PTGIS: variants seen among roughly 807,000 people sequenced by gnomAD.
PTGIS encodes the protein prostacyclin synthase.
Under a neutral mutation model 50.3 loss-of-function variants are expected in PTGIS, and 45 were observed. The ratio of observed to expected loss-of-function variants is 0.90; its 90% confidence interval spans 0.70 to 1.15. The LOEUF is 1.15. Ranked by LOEUF, PTGIS falls within the 50% of genes most tolerant of loss-of-function variation. The probability of loss-of-function intolerance (pLI) is 0.00; values close to 1 mark genes in which losing one functional copy is unlikely to be tolerated. For missense variants in PTGIS, 668 were observed against 661.3 expected (o/e 1.01, Z -0.11); for synonymous variants, 260 against 267.7 (o/e 0.97, Z 0.28).
intron 1 of PTGIS, among the ~76,000 whole-genome samples, chr20:49,560,487 G>A (rs1051069089): frequency 6.6e-6 from 1 of 152,186 alleles, no homozygotes; most frequent in African/African-American, 2.4e-5. Flanking sequence ...ACAGGCATGA[G>A]CCACTATGCC....
intron 1 of PTGIS, among the ~76,000 whole-genome samples, chr20:49,556,937 A>G (rs1042233396): frequency 6.6e-6 from 1 of 152,118 alleles, no homozygotes; most frequent in Non-Finnish European, 1.5e-5. Flanking sequence ...CTTTTCTTAA[A>G]GCCCTATAAA....
At chr20:49,564,620 C>T (rs1029098466) in intron 1 of PTGIS, among the ~76,000 whole-genome samples, 1 of 152,066 alleles carries the variant, frequency 6.6e-6, no homozygotes, top group African/African-American at 2.4e-5. Context: ...GGCTTCTTAC[C>T]GTATTCTTTT....
intron 3 of PTGIS, among the ~76,000 whole-genome samples, chr20:49,547,174 G>C (rs1420404215): frequency 2.0e-5 from 3 of 152,222 alleles, no homozygotes; most frequent in Non-Finnish European, 4.4e-5. Flanking sequence ...GGAGGTTACA[G>C]TGAGCCAAGA....
At position 49,514,147 on chromosome 20, in the gene PTGIS, G is replaced by A. The variant is rs1318566335; in HGVS notation, c.1024+80C>T. On this transcript the variant is annotated intron_variant, in intron 7 of 9. Coordinates refer to ENST00000244043, the MANE Select transcript of PTGIS (RefSeq NM_000961.4). ...ACACACTGATGGACCCTGGAAGACA[G>A]GAGTCCATGTTGGGGAGGGCTTTGG... 2.0e-6 allele frequency: 3 copies of A among 1,532,222 alleles called. No homozygotes were observed. In the African/African-American group the frequency reaches 4.1e-5, roughly 21 times the overall value. The allele number at this position is 1,532,222 out of a possible 1,614,324, so 94.9% of individuals were successfully genotyped here. A position where few individuals can be genotyped will look rare whatever the true frequency, so the allele number is the denominator to read the frequency against.
intron 2 of PTGIS, among the ~76,000 whole-genome samples, chr20:49,549,389 AC>A (rs1324558464): frequency 6.6e-6 from 1 of 152,228 alleles, no homozygotes; most frequent in Non-Finnish European, 1.5e-5. Context: ...GGGAAGAATT[AC>A]AACAAAAAAG....
At chr20:49,541,012 C>T (rs1982212550) in intron 4 of PTGIS, among the ~76,000 whole-genome samples, 1 of 152,204 alleles carries the variant, frequency 6.6e-6, no homozygotes, top group Non-Finnish European at 1.5e-5. Flanking sequence ...CTGCGTGGTC[C>T]CTGCTCTGTC....
Position 49,544,363 on chromosome 20 carries a change from C to G in PTGIS, c.463G>C (p.Ala155Pro). The G allele has an allele frequency of 6.2e-7, 1 of 1,614,190 alleles. No homozygotes were observed. Among genetic ancestry groups the G allele is most frequent in the Non-Finnish European group, 8.5e-7 (1 of 1,180,026 alleles). Reference protein sequence around the residue: ...HAVLLGDATEAGSGWHEMGLL... With the variant: ...HAVLLGDATEPGSGWHEMGLL... ...CCCATCTCGTGCCAGCCACTGCCTG[C>G]TTCTGTAGCATCGCCCAACAGCACT... Residue 155 changes from alanine (A) to proline (P), a missense_variant, in exon 4 of 10, where the codon GCA (alanine) becomes CCA (proline). By Grantham distance (27) the Ala-to-Pro change is conservative. Transcript: ENST00000244043.
chr20:49,546,502 A>G (rs1338624954), intron 3 of PTGIS, among the ~76,000 whole-genome samples: 1 of 152,238 alleles, frequency 6.6e-6, no homozygotes, highest in South Asian at 2.1e-4. Flanking sequence ...CCTAACCTCC[A>G]GAGGGTATTC....
intron 9 of PTGIS, among the ~76,000 whole-genome samples, chr20:49,508,368 C>A (rs1265522496): frequency 6.6e-6 from 1 of 152,226 alleles, no homozygotes; most frequent in African/African-American, 2.4e-5. Context: ...TCCTGCCTGG[C>A]AGCCATGCAG....
intron 8 of PTGIS, 89 bp from the exon 9 acceptor site, chr20:49,511,268 G>A: frequency 6.7e-7 from 1 of 1,498,874 alleles, no homozygotes; most frequent in Non-Finnish European, 9.2e-7. Flanking sequence ...TGACAGTCAT[G>A]TTTATAAGAG....
intron 1 of PTGIS, among the ~76,000 whole-genome samples, chr20:49,559,327 C>T (rs1352835341): frequency 2.6e-5 from 4 of 152,200 alleles, no homozygotes; most frequent in Non-Finnish European, 5.9e-5. Context: ...AAGGCAGACA[C>T]ATTCCTCCTC....
intron 5 of PTGIS, among the ~76,000 whole-genome samples, chr20:49,537,632 G>A (rs2034345662): frequency 6.6e-6 from 1 of 152,172 alleles, no homozygotes; most frequent in Admixed American, 6.5e-5. Context: ...GTGCGTGCCT[G>A]TAATCCCAGC....
At chr20:49,563,804 TG>T (rs1404079166) in intron 1 of PTGIS, among the ~76,000 whole-genome samples, 1 of 152,210 alleles carries the variant, frequency 6.6e-6, no homozygotes, top group Non-Finnish European at 1.5e-5. Context: ...GACCCTCGCT[TG>T]ATGCCACTAT....
chr20:49,513,516 G>A (rs1158005179), intron 7 of PTGIS, among the ~76,000 whole-genome samples: 3 of 152,078 alleles, frequency 2.0e-5, no homozygotes, highest in Non-Finnish European at 4.4e-5. Flanking sequence ...GAGCTAGGGA[G>A]ATATCAGAAG....
At chr20:49,522,747 G>A (rs1413558042) in intron 6 of PTGIS, among the ~76,000 whole-genome samples, 1 of 152,170 alleles carries the variant, frequency 6.6e-6, no homozygotes, top group African/African-American at 2.4e-5. Flanking sequence ...AAAATGGGTC[G>A]GGTGCAGTGG....
intron 6 of PTGIS, among the ~76,000 whole-genome samples, 158 bp downstream of exon 6, chr20:49,523,900 T>C (rs1981721341): frequency 6.6e-6 from 1 of 152,220 alleles, no homozygotes; most frequent in South Asian, 2.1e-4. Flanking sequence ...CACACTCACA[T>C]CAGCACACAC....
At chr20:49,561,767 G>A (rs1458168821) in intron 1 of PTGIS, among the ~76,000 whole-genome samples, 1 of 152,168 alleles carries the variant, frequency 6.6e-6, no homozygotes, top group East Asian at 1.9e-4. Context: ...GCATTGGGCT[G>A]TGCCAAGGAT....
chr20:49,554,304 T>C (rs549445039), intron 1 of PTGIS, among the ~76,000 whole-genome samples: 14 of 152,338 alleles, frequency 9.2e-5, no homozygotes, highest in Non-Finnish European at 1.6e-4. Context: ...TTTCATCCAA[T>C]ATAACATTCT....
chr20:49,509,418 T>C (rs1161809866), intron 9 of PTGIS, among the ~76,000 whole-genome samples: 3 of 152,226 alleles, frequency 2.0e-5, no homozygotes, highest in Admixed American at 1.3e-4. Flanking sequence ...CATCTAAGCA[T>C]TTAGTACCCG....
Sources: allele counts gnomAD v4.1 joint callset (sites outside exome capture counted in the v4.1 genomes callset), GRCh38; gene constraint gnomAD v4.1.1; transcripts MANE v1.5; gene names NCBI Gene and HGNC (gene_info 2026-07-23, HGNC 2026-07-21).